Variants in KCND3 observed in about 807,000 individuals in gnomAD.
KCND3 encodes the protein potassium voltage-gated channel subfamily D member 3, also known as A-type voltage-gated potassium channel KCND3.
In KCND3, 9 loss-of-function variants were observed where a neutral mutation model predicts 51.1. The observed-to-expected ratio is 0.18, with a 90% confidence interval of 0.11 to 0.31. The LOEUF (loss-of-function observed/expected upper bound fraction) is 0.31. Among genes scored for constraint, KCND3 ranks in the 10% least tolerant of loss-of-function variants. The pLI is 1.00. For synonymous variants in KCND3, 349 were observed against 368.0 expected (o/e 0.95, Z 0.59); for missense variants, 526 against 903.8 (o/e 0.58, Z 5.36).
intron 2 of KCND3, among the ~76,000 whole-genome samples, chr1:111,835,067 C>T (rs71673439): frequency 0.023 from 3,515 of 152,302 alleles, 97 homozygotes; most frequent in African/African-American, 0.065. Flanking sequence ...CTCAGAGAAA[C>T]GCCAGGCAGA....
At chr1:111,957,569 AAG>A (rs1444057569) in intron 2 of KCND3, among the ~76,000 whole-genome samples, 3 of 152,214 alleles carry the variant, frequency 2.0e-5, no homozygotes, top group East Asian at 3.8e-4. Context: ...TAAAAAAAAA[AAG>A]AGAGATATGT....
intron 2 of KCND3, among the ~76,000 whole-genome samples, chr1:111,871,271 A>G (rs7525577): frequency 0.04 from 6,156 of 152,344 alleles, 291 homozygotes; most frequent in East Asian, 0.12. Flanking sequence ...TTCTAGAAGC[A>G]CAGTGGGAAA....
At chr1:111,816,814 C>T (rs978366897) in intron 2 of KCND3, among the ~76,000 whole-genome samples, 2 of 152,226 alleles carry the variant, frequency 1.3e-5, no homozygotes, top group South Asian at 4.1e-4. Flanking sequence ...CTTTTCACCT[C>T]CCTTGCTCCC....
intron 2 of KCND3, among the ~76,000 whole-genome samples, chr1:111,791,599 G>GT (rs1455645189): frequency 6.6e-6 from 1 of 152,150 alleles, no homozygotes; most frequent in African/African-American, 2.4e-5. Context: ...TACTGTTTTC[G>GT]TTTAACCTTT....
rs35337734 is a variant in KCND3, at chr1:111,840,273, C to T, written c.1107-53167G>A. Among the ~76,000 whole-genome samples, 1,437 of 152,214 alleles carry T rather than the reference C, an allele frequency of 9.4e-3. 14 individuals carry two copies. Among genetic ancestry groups the T allele is most frequent in the African/African-American group, 0.018 (759 of 41,518 alleles). On this transcript the variant is annotated intron_variant, in intron 2 of 7. Transcript: ENST00000302127. Reference sequence around the variant, plus strand: ...AACTTTTTGGGGACACAACACTGGCCTCAGACCTCCAGACACAGTTCTTGC... The same window carrying T: ...AACTTTTTGGGGACACAACACTGGCTTCAGACCTCCAGACACAGTTCTTGC...
At chr1:111,814,514 A>G (rs1211275401) in intron 2 of KCND3, among the ~76,000 whole-genome samples, 1 of 152,252 alleles carries the variant, frequency 6.6e-6, no homozygotes, top group Non-Finnish European at 1.5e-5. Context: ...AGCTCTGCGT[A>G]TACCTTGCTG....
intron 2 of KCND3, among the ~76,000 whole-genome samples, chr1:111,819,497 C>T (rs879852627): frequency 6.6e-6 from 1 of 152,148 alleles, no homozygotes; most frequent in Non-Finnish European, 1.5e-5. Context: ...AAAGTAAGAT[C>T]GAGGTGAAAG....
intron 2 of KCND3, among the ~76,000 whole-genome samples, chr1:111,943,803 A>G (rs1672648186): frequency 6.6e-6 from 1 of 151,980 alleles, no homozygotes; most frequent in South Asian, 2.1e-4. Flanking sequence ...GGCATTATTC[A>G]CCCCATTTTA....
rs758594730 is a variant in KCND3, at chr1:111,780,191, G to A, written c.1461+34C>T. The A allele has an allele frequency of 4.9e-5, 75 of 1,544,660 alleles. No individual in the cohort carries two copies. Among genetic ancestry groups the A allele is most frequent in the African/African-American group, 8.2e-5 (6 of 73,358 alleles). Reference sequence around the variant, plus strand: ...GCCTTAGAAAAGGGTCAGGGTCAGCGATGAAAAGGAGGTGGCAAAGGGCTG... The same window carrying A: ...GCCTTAGAAAAGGGTCAGGGTCAGCAATGAAAAGGAGGTGGCAAAGGGCTG... On this transcript the variant is annotated intron_variant, in intron 5 of 7. Transcript: ENST00000302127. This position sits in a 1 kb window ranked among gnomAD's most constrained non-coding sequence, Gnocchi z 4.2.
chr1:111,956,487 C>T (rs1673349075), intron 2 of KCND3, among the ~76,000 whole-genome samples: 1 of 152,164 alleles, frequency 6.6e-6, no homozygotes, highest in Non-Finnish European at 1.5e-5. Flanking sequence ...CTATAAATAG[C>T]CATGCCCTAT....
At chr1:111,801,991 T>C (rs962130648) in intron 2 of KCND3, among the ~76,000 whole-genome samples, 42 of 152,348 alleles carry the variant, frequency 2.8e-4, no homozygotes, top group African/African-American at 1.0e-3. Context: ...CAGAAGTCCT[T>C]GCTCTCCCAC....
chr1:111,846,630 G>C (rs577192682), intron 2 of KCND3, among the ~76,000 whole-genome samples: 1 of 152,296 alleles, frequency 6.6e-6, no homozygotes, highest in South Asian at 2.1e-4. Context: ...GTTCTCACGA[G>C]GATTATACGG....
chr1:111,879,195 A>G (rs1669192412), intron 2 of KCND3, among the ~76,000 whole-genome samples: 1 of 152,162 alleles, frequency 6.6e-6, no homozygotes, highest in Non-Finnish European at 1.5e-5. Flanking sequence ...CATGCGAGCC[A>G]ACTCTGAATA....
intron 2 of KCND3, among the ~76,000 whole-genome samples, chr1:111,861,051 G>A (rs937716404): frequency 8.5e-5 from 13 of 152,050 alleles, no homozygotes; most frequent in Non-Finnish European, 1.3e-4. Flanking sequence ...GTCTGGCAGA[G>A]CTCCTCTCAC....
At chr1:111,818,040 G>GCGCACACA (rs1182662358) in intron 2 of KCND3, among the ~76,000 whole-genome samples, 1 of 147,962 alleles carries the variant, frequency 6.8e-6, no homozygotes, top group East Asian at 2.0e-4. Context: ...ACACGCGCGT[G>GCGCACACA]CACACACACA....
At chr1:111,782,430 G>A (rs921612639) in intron 3 of KCND3, among the ~76,000 whole-genome samples, 2 of 152,180 alleles carry the variant, frequency 1.3e-5, no homozygotes, top group South Asian at 2.1e-4. Context: ...AAAGGATGAT[G>A]GCAAATCAGC....
chr1:111,780,088 C>A lies in KCND3; in HGVS notation c.1461+137G>T. 1.0e-6 allele frequency: 1 copy of A among 964,468 alleles called. No homozygotes were observed. The highest frequency in any genetic ancestry group is 1.6e-6 in the Non-Finnish European group (1 of 616,966). The allele number at this position is 964,468 out of a possible 1,614,324, so 59.7% of individuals were successfully genotyped here. Reference sequence around the variant, plus strand: ...TCCTCAGGGTCTTCCACCTGAGGGCCAGTAGATCCCATCACTACCTTTTGG... The same window carrying A: ...TCCTCAGGGTCTTCCACCTGAGGGCAAGTAGATCCCATCACTACCTTTTGG... On this transcript the variant is annotated intron_variant, in intron 5 of 7. Transcript: ENST00000302127. The surrounding 1 kb of genome is among the most constrained non-coding windows in gnomAD (Gnocchi z 4.2).
At chr1:111,897,573 T>A (rs1670182671) in intron 2 of KCND3, among the ~76,000 whole-genome samples, 1 of 152,116 alleles carries the variant, frequency 6.6e-6, no homozygotes, top group Non-Finnish European at 1.5e-5. Flanking sequence ...GCTGGGTATG[T>A]GGGTTTCTGC....
intron 2 of KCND3, among the ~76,000 whole-genome samples, chr1:111,820,838 G>A (rs1315319037): frequency 2.0e-5 from 3 of 152,100 alleles, no homozygotes; most frequent in Admixed American, 1.3e-4. Context: ...GGGGGGTGAC[G>A]GCCATGTGAA....
Sources: allele counts gnomAD v4.1 joint callset (sites outside exome capture counted in the v4.1 genomes callset), GRCh38; gene constraint gnomAD v4.1.1; non-coding constraint Gnocchi (gnomAD v3.1); transcripts MANE v1.5; gene names NCBI Gene and HGNC (gene_info 2026-07-23, HGNC 2026-07-21).